Variants in FAF1 observed in about 807,000 individuals in gnomAD.
FAF1 encodes the protein FAS-associated factor 1.
FAF1 carries 25 observed loss-of-function variants against 92.5 expected under a neutral mutation model. The ratio of observed to expected loss-of-function variants is 0.27; its 90% CI spans 0.20 to 0.38. The LOEUF (loss-of-function observed/expected upper bound fraction) is 0.38. Among genes scored for constraint, FAF1 ranks in the 10% least tolerant of loss-of-function variants. The probability of loss-of-function intolerance (pLI) is 1.00; values close to 1 mark genes in which losing one functional copy is unlikely to be tolerated. For synonymous variants in FAF1, 234 were observed against 273.2 expected (o/e 0.86, Z 1.42); for missense variants, 636 against 793.3 (o/e 0.80, Z 2.38).
At chr1:50,514,480 G>A (rs1485689890) in intron 15 of FAF1, among the ~76,000 whole-genome samples, 1 of 152,180 alleles carries the variant, frequency 6.6e-6, no homozygotes, top group Admixed American at 6.5e-5. Context: ...ATCAAAGATT[G>A]AGCCTTTAAT....
intron 15 of FAF1, among the ~76,000 whole-genome samples, chr1:50,523,310 C>T (rs1647605178): frequency 6.6e-6 from 1 of 152,094 alleles, no homozygotes; most frequent in Non-Finnish European, 1.5e-5. Flanking sequence ...CAAATGGTTA[C>T]TCTATATTTA....
intron 2 of FAF1, among the ~76,000 whole-genome samples, chr1:50,853,650 C>T (rs1287461336): frequency 6.6e-6 from 1 of 152,052 alleles, no homozygotes; most frequent in Non-Finnish European, 1.5e-5. Context: ...CACTTTATTT[C>T]ACTTAACATT....
chr1:50,766,655 T>C (rs1660581499), intron 4 of FAF1, among the ~76,000 whole-genome samples: 1 of 152,034 alleles, frequency 6.6e-6, no homozygotes, highest in African/African-American at 2.4e-5. Context: ...AGGGCTACCG[T>C]GCACAGGTAT....
In FAF1 at chr1:50,463,823, G is replaced by C. The variant is rs1044913676; in HGVS notation, c.1869+11641C>G. Among the ~76,000 whole-genome samples the C allele has an allele frequency of 2.6e-4, 39 of 152,178 alleles. 1 individual carries two copies. Among genetic ancestry groups the C allele is most frequent in the African/African-American group, 9.7e-5 (4 of 41,440 alleles). On this transcript the variant is annotated intron_variant, in intron 18 of 18. Transcript: ENST00000396153. Reference sequence around the variant, plus strand: ...ATCGGAGATCCACCACCTCTTGGAAGGCTCAGGCCCAACTGTTCTTAAAAC... The same window carrying C: ...ATCGGAGATCCACCACCTCTTGGAACGCTCAGGCCCAACTGTTCTTAAAAC...
At chr1:50,598,254 C>A (rs867344032) in intron 8 of FAF1, among the ~76,000 whole-genome samples, 1 of 151,906 alleles carries the variant, frequency 6.6e-6, no homozygotes, top group South Asian at 2.1e-4. Context: ...TGTGATCATG[C>A]CACTGTACTC....
intron 3 of FAF1, among the ~76,000 whole-genome samples, chr1:50,790,723 T>G (rs1661533977): frequency 6.6e-6 from 1 of 152,086 alleles, no homozygotes; most frequent in Non-Finnish European, 1.5e-5. Context: ...TAAAACATCT[T>G]TCCTCTCAAC....
At chr1:50,489,875 G>A (rs1029636759) in intron 17 of FAF1, among the ~76,000 whole-genome samples, 1 of 145,196 alleles carries the variant, frequency 6.9e-6, no homozygotes, top group South Asian at 2.3e-4. Context: ...TATGCAGGAA[G>A]GATGAGAAAT....
At chr1:50,709,620 A>G (rs879257822) in intron 6 of FAF1, among the ~76,000 whole-genome samples, 9 of 152,172 alleles carry the variant, frequency 5.9e-5, no homozygotes, top group Admixed American at 3.3e-4. Flanking sequence ...TCAAGCTACA[A>G]AGAGGTAGAA....
chr1:50,737,359 A>G (rs764298709), intron 6 of FAF1, among the ~76,000 whole-genome samples: 8 of 152,180 alleles, frequency 5.3e-5, no homozygotes, highest in Non-Finnish European at 1.0e-4. Context: ...CGCTACTGGA[A>G]AGCAACAGAT....
At chr1:50,532,033 G>T (rs1307288297) in intron 15 of FAF1, among the ~76,000 whole-genome samples, 1 of 151,950 alleles carries the variant, frequency 6.6e-6, no homozygotes, top group Non-Finnish European at 1.5e-5. Context: ...AATTACAAGG[G>T]ACAGTGTTTC....
intron 2 of FAF1, among the ~76,000 whole-genome samples, chr1:50,826,667 A>C (rs938559595): frequency 1.3e-5 from 2 of 152,178 alleles, no homozygotes; most frequent in African/African-American, 2.4e-5. Flanking sequence ...AAAAGAGGAA[A>C]GTCTGTACAA....
chr1:50,620,522 G>T (rs1389116258), intron 8 of FAF1, among the ~76,000 whole-genome samples: 1 of 152,168 alleles, frequency 6.6e-6, no homozygotes. Flanking sequence ...GCACTTCGTT[G>T]ACATCCAGAT....
intron 7 of FAF1, among the ~76,000 whole-genome samples, chr1:50,678,434 C>G (rs532867752): frequency 6.6e-6 from 1 of 152,110 alleles, no homozygotes; most frequent in African/African-American, 2.4e-5. Context: ...ACACATTTGG[C>G]CAGATTTTCT....
At chr1:50,930,363 T>C (rs1645038349) in intron 1 of FAF1, among the ~76,000 whole-genome samples, 1 of 152,146 alleles carries the variant, frequency 6.6e-6, no homozygotes, top group African/African-American at 2.4e-5. Context: ...GGAAGGTATA[T>C]TGGCAGGAAA....
chr1:50,704,299 G>A (rs1485884467), intron 7 of FAF1, among the ~76,000 whole-genome samples: 2 of 152,042 alleles, frequency 1.3e-5, no homozygotes, highest in Non-Finnish European at 2.9e-5. Flanking sequence ...GAGGGTGGCA[G>A]CAAAATTATG....
chr1:50,578,085 C>T (rs1376069174), intron 12 of FAF1, among the ~76,000 whole-genome samples: 1 of 152,168 alleles, frequency 6.6e-6, no homozygotes, highest in Non-Finnish European at 1.5e-5. Flanking sequence ...TCCCCAAATC[C>T]TTTGTAATCC....
chr1:50,767,071 T>C (rs748039453), intron 4 of FAF1, among the ~76,000 whole-genome samples: 5 of 152,084 alleles, frequency 3.3e-5, no homozygotes, highest in Admixed American at 6.5e-5. Context: ...TTCTAAGGAA[T>C]ACAATAAAAT....
chr1:50,555,249 A>ACACACACACAC (rs1285431739), intron 13 of FAF1, among the ~76,000 whole-genome samples: 1 of 149,166 alleles, frequency 6.7e-6, no homozygotes, highest in Non-Finnish European at 1.5e-5. Context: ...GGACCCTGAC[A>ACACACACACAC]CACACACACA....
chr1:50,554,414 G>GAGAGAGAGAGAGAGAGAGAGAA, intron 13 of FAF1, among the ~76,000 whole-genome samples: 1 of 148,404 alleles, frequency 6.7e-6, no homozygotes, highest in African/African-American at 2.5e-5. Context: ...GAGAGAGAGA[G>GAGAGAGAGAGAGAGAGAGAGAA]AGTCTTAAAT....
Sources: allele counts gnomAD v4.1 joint callset (sites outside exome capture counted in the v4.1 genomes callset), GRCh38; gene constraint gnomAD v4.1.1; transcripts MANE v1.5; gene names NCBI Gene and HGNC (gene_info 2026-07-23, HGNC 2026-07-21).